The following CA3 variants were observed in gnomAD, a reference collection of about 807,000 sequenced individuals.
CA3 encodes CA-III.
In CA3, 30 loss-of-function variants were observed where a neutral mutation model predicts 35.7. The observed-to-expected ratio is 0.84, with a 90% CI of 0.63 to 1.14. The LOEUF (loss-of-function observed/expected upper bound fraction) is 1.14. Ranked by LOEUF, CA3 falls within the 50% of genes most tolerant of loss-of-function variation. The pLI is 0.00. For missense variants in CA3, 295 were observed against 328.5 expected (o/e 0.90, Z 0.79); for synonymous variants, 131 against 130.8 (o/e 1.00, Z -0.01).
intron 2 of CA3, among the ~76,000 whole-genome samples, chr8:85,440,548 C>A (rs1043440347): frequency 2.6e-5 from 4 of 152,146 alleles, no homozygotes; most frequent in Admixed American, 6.5e-5. Context: ...TTAGAAAAAA[C>A]AAATCTCTTT....
intron 5 of CA3, 32 bp downstream of exon 5, chr8:85,445,250 TA>T: frequency 7.3e-7 from 1 of 1,372,020 alleles, no homozygotes; most frequent in Non-Finnish European, 1.0e-6. Context: ...TCCTAAAACA[TA>T]AAGCAGATTA....
At chr8:85,440,902 A>G (rs1811198410) in intron 2 of CA3, among the ~76,000 whole-genome samples, 1 of 152,202 alleles carries the variant, frequency 6.6e-6, no homozygotes, top group Admixed American at 6.5e-5. Context: ...TTTGAAAGCA[A>G]CATAACAAAA....
chr8:85,440,763 G>A (rs1811196894), intron 2 of CA3, among the ~76,000 whole-genome samples: 1 of 152,042 alleles, frequency 6.6e-6, no homozygotes. Context: ...ATTTTGTAAT[G>A]AAGAATGATA....
At chr8:85,442,280 C>A (rs552647094) in intron 3 of CA3, 89 bp downstream of exon 3, 2 of 784,530 alleles carry the variant, frequency 2.5e-6, no homozygotes, top group East Asian at 2.4e-5. Flanking sequence ...AAGCATCATC[C>A]ACTGCTTTTG....
intron 5 of CA3, 47 bp from the exon 6 acceptor site, chr8:85,446,095 C>T (rs373546129): frequency 1.7e-4 from 254 of 1,501,920 alleles, no homozygotes; most frequent in Middle Eastern, 1.8e-4. Context: ...GGTGGGTGGG[C>T]ATGTGCATGC....
rs756594488 is a variant in CA3, at chr8:85,448,077, C to T, written c.707C>T (p.Pro236Leu). ...RSLLSSAENE[P>L]PVPLVSNWRP... Reference sequence around the variant, plus strand: ...CTCCTCTCCAGTGCTGAGAACGAGCCCCCAGTGCCTCTTGTGAGCAACTGG... The same window carrying T: ...CTCCTCTCCAGTGCTGAGAACGAGCTCCCAGTGCCTCTTGTGAGCAACTGG... The change falls in exon 7 of 7, where the codon CCC becomes CTC. Residue 236 changes from proline (P) to leucine (L), a missense_variant. Pro to Leu is a moderately conservative substitution (Grantham distance 98). Coordinates refer to ENST00000285381, the MANE Select transcript of CA3 (RefSeq NM_005181.4). 1 of 1,613,548 alleles carries T rather than the reference C, an allele frequency of 6.2e-7. No individual in the cohort carries two copies. Among genetic ancestry groups the T allele is most frequent in the South Asian group, 1.1e-5 (1 of 90,850 alleles).
intron 3 of CA3, among the ~76,000 whole-genome samples, chr8:85,443,008 A>G (rs987751169): frequency 6.6e-6 from 1 of 152,236 alleles, no homozygotes; most frequent in Admixed American, 6.5e-5. Flanking sequence ...TTATAAGAAT[A>G]TAGTGCTCTA....
In CA3 at chr8:85,438,909, C is replaced by T; in HGVS notation, c.-1C>T. The T allele has an allele frequency of 6.4e-7, 1 of 1,551,130 alleles. No individual in the cohort carries two copies. Among genetic ancestry groups the T allele is most frequent in the Non-Finnish European group, 8.7e-7 (1 of 1,147,000 alleles). ...GCCGTCCAGCACGGAGGAAGGCGAC[C>T]ATGGCCAAGGAGTGGGGCTACGCCA... On this transcript the variant is annotated 5_prime_UTR_variant, in exon 1 of 7. Transcript: ENST00000285381.
intron 2 of CA3, among the ~76,000 whole-genome samples, chr8:85,440,877 T>C (rs751507485): frequency 6.6e-6 from 1 of 152,220 alleles, no homozygotes; most frequent in Non-Finnish European, 1.5e-5. Context: ...CTTCTCCTTA[T>C]ATATCAAGTA....
At chr8:85,439,356 G>T (rs1811175157) in intron 1 of CA3, among the ~76,000 whole-genome samples, 1 of 152,066 alleles carries the variant, frequency 6.6e-6, no homozygotes, top group Non-Finnish European at 1.5e-5. Context: ...AAGGAACATG[G>T]GTGTGCTCTG....
chr8:85,444,093 C>T lies in CA3; in HGVS notation c.411C>T (p.Arg137=), dbSNP rs1031389387. Residue 137 remains arginine (R), a synonymous_variant, in exon 4 of 7, where the codon CGC becomes CGT. Transcript: ENST00000285381. ...CTTTTAAAGAAGCCCTGAAGCAGCG[C>T]GATGGGATCGCTGTGATTGGCATTT... ...YNTFKEALKQ[R]DGIAVIGIFL... is the part of the protein sequence containing the mutation. 5.6e-6 allele frequency: 9 copies of T among 1,613,262 alleles called. No homozygotes were observed. The highest frequency in any genetic ancestry group is 1.6e-4 in the Middle Eastern group (1 of 6,084).
intron 3 of CA3, 28 bp downstream of exon 3, chr8:85,442,219 C>G: frequency 8.6e-7 from 1 of 1,161,468 alleles, no homozygotes; most frequent in Non-Finnish European, 1.3e-6. Context: ...AATCCATTCT[C>G]GGTCTCATAC....
intron 1 of CA3, among the ~76,000 whole-genome samples, chr8:85,439,340 A>G (rs1811174931): frequency 6.6e-6 from 1 of 152,132 alleles, no homozygotes; most frequent in Non-Finnish European, 1.5e-5. Context: ...TCCCTAATCC[A>G]AGGCAAAGGA....
rs1811324740 is a variant in CA3, at chr8:85,448,483, T to C, written c.*330T>C. On this transcript the variant is annotated 3_prime_UTR_variant, in exon 7 of 7. Transcript: ENST00000285381. ...AAATGGCTAGCTATTGGGCACCAGTTTTTCTGTTATCTAAAATTTCACACA... is the reference window on the plus strand; with the variant it reads ...AAATGGCTAGCTATTGGGCACCAGTCTTTCTGTTATCTAAAATTTCACACA... 6.0e-6 allele frequency: 1 copy of C among 167,428 alleles called. No individual in the cohort carries two copies. Among genetic ancestry groups the C allele is most frequent in the African/African-American group, 2.4e-5 (1 of 42,056 alleles). The allele number at this position is 167,428 out of a possible 1,614,324, so 10.4% of individuals were successfully genotyped here.
intron 3 of CA3, among the ~76,000 whole-genome samples, chr8:85,443,649 A>G (rs965341289): frequency 6.6e-6 from 1 of 152,202 alleles, no homozygotes; most frequent in Non-Finnish European, 1.5e-5. Flanking sequence ...ACCTTTGCAC[A>G]TGGGATTATT....
chr8:85,439,019 C>A, intron 1 of CA3, 76 bp downstream of exon 1: 1 of 1,424,618 alleles, frequency 7.0e-7, no homozygotes, highest in Non-Finnish European at 9.7e-7. Flanking sequence ...CAGAAATGGG[C>A]AACTTTAGAG....
chr8:85,440,439 T>A (rs541307834), intron 2 of CA3, among the ~76,000 whole-genome samples: 1 of 152,288 alleles, frequency 6.6e-6, no homozygotes, highest in South Asian at 2.1e-4. Flanking sequence ...TTCAGTGGGG[T>A]TCATCTGATT....
intron 6 of CA3, among the ~76,000 whole-genome samples, 177 bp from the exon 7 acceptor site, chr8:85,447,857 A>G (rs1419830384): frequency 6.6e-6 from 1 of 152,158 alleles, no homozygotes; most frequent in East Asian, 1.9e-4. Flanking sequence ...CCAAGATCAC[A>G]CCACTGCACT....
rs916286713 is a variant in CA3 at position 85,447,894 on chromosome 8, G to C, written c.664-140G>C. On this transcript the variant is annotated intron_variant, in intron 6 of 6. Transcript: ENST00000285381. ...CAGCCTGGCTACAGAGCGAGACTCT[G>C]TCTCAAAAACAAACAAACAAACAAA... is the stretch of plus-strand genomic sequence containing the variant. The C allele has an allele frequency of 3.7e-5, 29 of 774,604 alleles. No individual in the cohort carries two copies. In the African/African-American group the frequency reaches 4.8e-4, roughly 13 times the overall value. 48.0% of individuals were successfully genotyped at this position (774,604 alleles called of 1,614,324 possible).
Sources: gnomAD v4.1 joint callset for allele counts (sites outside exome capture counted in the v4.1 genomes callset) on GRCh38, gnomAD v4.1.1 for gene constraint, MANE v1.5 for transcripts, NCBI Gene and HGNC (gene_info 2026-07-23, HGNC 2026-07-21) for gene names.